Variants in HYDIN observed in about 807,000 individuals in gnomAD.
HYDIN encodes axonemal central pair apparatus protein HYDIN.
Under a neutral mutation model 403.9 loss-of-function variants are expected in HYDIN, and 132 were observed. That is an observed-to-expected ratio of 0.33 (90% CI 0.28 to 0.38). The LOEUF is 0.38. Ranked by LOEUF, HYDIN falls within the 10% of genes least tolerant of loss-of-function variation. The pLI is 1.00. For missense variants in HYDIN, 2,827 were observed against 5,009.5 expected (o/e 0.56, Z 13.15); for synonymous variants, 1,202 against 1,891.7 (o/e 0.64, Z 9.46).
At chr16:71,063,986 T>C (rs1014918922) in intron 16 of HYDIN, among the ~76,000 whole-genome samples, 5 of 126,858 alleles carry the variant, frequency 3.9e-5, no homozygotes, top group Non-Finnish European at 7.4e-5. Flanking sequence ...GTGGCCTCCA[T>C]ATTGCTGTTT....
At chr16:71,127,030 G>A (rs2084493390) in intron 9 of HYDIN, among the ~76,000 whole-genome samples, 1 of 152,038 alleles carries the variant, frequency 6.6e-6, no homozygotes, top group Admixed American at 6.6e-5. Context: ...TCACAAACGA[G>A]AACTGTATTT....
At chr16:70,933,735 T>C (rs2077419504) in intron 45 of HYDIN, 1 of 154,906 alleles carries the variant, frequency 6.5e-6, no homozygotes, top group Non-Finnish European at 1.5e-5. Flanking sequence ...AGCTATTAGT[T>C]GTTAAAACAT....
chr16:70,891,166 T>C (rs1190476282), intron 57 of HYDIN, among the ~76,000 whole-genome samples: 1 of 152,152 alleles, frequency 6.6e-6, no homozygotes, highest in Non-Finnish European at 1.5e-5. Flanking sequence ...TGATTTCGTG[T>C]ATAGTATTTA....
chr16:70,887,168 A>G (rs1176781327), intron 58 of HYDIN, among the ~76,000 whole-genome samples: 1 of 152,236 alleles, frequency 6.6e-6, no homozygotes, highest in Non-Finnish European at 1.5e-5. Flanking sequence ...ACTGGGCAGA[A>G]TAATGGCCTC....
chr16:71,047,506 T>G (rs948440134), intron 18 of HYDIN, among the ~76,000 whole-genome samples: 4 of 152,154 alleles, frequency 2.6e-5, no homozygotes, highest in Admixed American at 2.6e-4. Context: ...GGAAGTCTCT[T>G]AATACTATTA....
chr16:71,227,147 A>ATGTG (rs1032698797), intron 1 of HYDIN, among the ~76,000 whole-genome samples: 2,833 of 149,982 alleles, frequency 0.019, 101 homozygotes, highest in African/African-American at 0.066. Context: ...ATATATGTGT[A>ATGTG]TGTGTGTGTG....
At chr16:70,810,552 C>A (rs540338400) in intron 84 of HYDIN, among the ~76,000 whole-genome samples, 1 of 152,176 alleles carries the variant, frequency 6.6e-6, no homozygotes, top group South Asian at 2.1e-4. Flanking sequence ...TAGAGCGGGG[C>A]CTGGTGCGGT....
At chr16:71,148,418 T>C (rs1347152209) in intron 7 of HYDIN, among the ~76,000 whole-genome samples, 25 of 151,940 alleles carry the variant, frequency 1.6e-4, no homozygotes, top group African/African-American at 5.1e-4. Context: ...AGCATAAGGA[T>C]TGAACAAAAT....
At chr16:70,811,826 C>T (rs2035525957) in intron 84 of HYDIN, among the ~76,000 whole-genome samples, 4 of 148,364 alleles carry the variant, frequency 2.7e-5, no homozygotes. Context: ...CATTGCACTC[C>T]AGCCTGGGCC....
chr16:70,864,342 A>C (rs1597157423), intron 67 of HYDIN, among the ~76,000 whole-genome samples: 1 of 39,558 alleles, frequency 2.5e-5, no homozygotes, highest in Non-Finnish European at 4.2e-5. Context: ...AAAAAAAAAA[A>C]AAAAAAAAAA....
At chr16:71,123,378 GA>G (rs1411142899) in intron 9 of HYDIN, among the ~76,000 whole-genome samples, 1 of 151,202 alleles carries the variant, frequency 6.6e-6, no homozygotes, top group East Asian at 2.0e-4. Context: ...TTCCAAAGGG[GA>G]AAAAAACCCA....
intron 23 of HYDIN, among the ~76,000 whole-genome samples, chr16:71,012,543 A>G (rs982465966): frequency 2.0e-5 from 3 of 152,236 alleles, no homozygotes; most frequent in Non-Finnish European, 4.4e-5. Flanking sequence ...CTTTAAATAG[A>G]TGAGTGAGAA....
At chr16:70,906,020 G>A (rs1043489050) in intron 50 of HYDIN, among the ~76,000 whole-genome samples, 2 of 151,862 alleles carry the variant, frequency 1.3e-5, no homozygotes, top group African/African-American at 2.4e-5. Flanking sequence ...AAGCTGCACC[G>A]AGAAAGCCCA....
intron 23 of HYDIN, among the ~76,000 whole-genome samples, chr16:70,996,422 A>T (rs1376794209): frequency 6.6e-6 from 1 of 152,116 alleles, no homozygotes; most frequent in Non-Finnish European, 1.5e-5. Context: ...GCAGGGAGCC[A>T]GGCAGTGCAC....
intron 4 of HYDIN, among the ~76,000 whole-genome samples, chr16:71,178,434 A>AAAAATAT (rs1555501894): frequency 1.1e-5 from 1 of 94,572 alleles, no homozygotes; most frequent in African/African-American, 4.6e-5. Flanking sequence ...AAAAAAAAAA[A>AAAAATAT]ATATATATAT....
chr16:71,086,612 G>C (rs1253231060), intron 12 of HYDIN, among the ~76,000 whole-genome samples: 1 of 152,032 alleles, frequency 6.6e-6, no homozygotes, highest in Admixed American at 6.6e-5. Context: ...TGTTTTTAGA[G>C]CAGAGCTTAA....
intron 45 of HYDIN, among the ~76,000 whole-genome samples, chr16:70,929,000 AT>A (rs371039908): frequency 0.018 from 2,781 of 151,448 alleles, 86 homozygotes; most frequent in African/African-American, 0.063. Context: ...TTAAAACAGG[AT>A]TATTTTTGTT....
chr16:70,960,853 G>A (rs1047259821), intron 38 of HYDIN, among the ~76,000 whole-genome samples: 2 of 152,086 alleles, frequency 1.3e-5, no homozygotes, highest in South Asian at 2.1e-4. Flanking sequence ...CACCATGCCC[G>A]GCTAATTTTT....
intron 24 of HYDIN, 121 bp downstream of exon 24, chr16:70,991,949 T>C (rs2079366525): frequency 6.6e-7 from 1 of 1,520,114 alleles, no homozygotes; most frequent in South Asian, 1.3e-5. Flanking sequence ...TAGAAGACAT[T>C]TATTAAACTG....
Sources: allele counts gnomAD v4.1 joint callset (sites outside exome capture counted in the v4.1 genomes callset), GRCh38; gene constraint gnomAD v4.1.1; transcripts MANE v1.5; gene names NCBI Gene and HGNC (gene_info 2026-07-23, HGNC 2026-07-21).